Variants in SEC22A observed in about 807,000 individuals in gnomAD.
SEC22A encodes vesicle-trafficking protein SEC22a.
In SEC22A, 22 loss-of-function variants were observed where a neutral mutation model predicts 35.3. The ratio of observed to expected loss-of-function variants is 0.62; its 90% confidence interval spans 0.45 to 0.89. SEC22A has a LOEUF of 0.89. SEC22A is among the 40% of genes least tolerant of loss of function. SEC22A has a pLI of 0.00. For synonymous variants in SEC22A, 119 were observed against 129.5 expected (o/e 0.92, Z 0.55); for missense variants, 354 against 362.5 (o/e 0.98, Z 0.19).
chr3:123,262,968 C>T (rs1474359378), intron 6 of SEC22A, among the ~76,000 whole-genome samples: 1 of 152,176 alleles, frequency 6.6e-6, no homozygotes. Flanking sequence ...AAAACGGTAT[C>T]ACAACCAGAG....
intron 4 of SEC22A, among the ~76,000 whole-genome samples, chr3:123,238,564 G>T (rs1038474373): frequency 4.6e-5 from 7 of 151,790 alleles, no homozygotes; most frequent in Admixed American, 3.9e-4. Context: ...TATTTTCTAT[G>T]GTCCCCAAGT....
intron 2 of SEC22A, among the ~76,000 whole-genome samples, chr3:123,221,064 TA>T (rs1432554391): frequency 6.6e-6 from 1 of 151,870 alleles, no homozygotes; most frequent in South Asian, 2.1e-4. Context: ...TCATTCTTGT[TA>T]AATTTGAATC....
At chr3:123,238,025 G>A (rs531462007) in intron 4 of SEC22A, among the ~76,000 whole-genome samples, 6 of 151,938 alleles carry the variant, frequency 3.9e-5, no homozygotes, top group South Asian at 2.1e-4. Flanking sequence ...ATGGTGGCAC[G>A]TGACTGTAGT....
At chr3:123,239,113 C>A (rs1336860164) in intron 4 of SEC22A, among the ~76,000 whole-genome samples, 1 of 151,930 alleles carries the variant, frequency 6.6e-6, no homozygotes, top group Non-Finnish European at 1.5e-5. Flanking sequence ...TGTGTCCACC[C>A]CGTTTTAAAG....
intron 6 of SEC22A, among the ~76,000 whole-genome samples, chr3:123,263,947 G>T (rs914533578): frequency 5.3e-5 from 8 of 151,080 alleles, no homozygotes; most frequent in Admixed American, 2.0e-4. Flanking sequence ...TAAAGACAAG[G>T]TATTGCTCTG....
At chr3:123,212,308 G>C (rs948682908) in intron 2 of SEC22A, among the ~76,000 whole-genome samples, 19 of 151,966 alleles carry the variant, frequency 1.3e-4, no homozygotes, top group African/African-American at 4.3e-4. Flanking sequence ...TTGTGATTAT[G>C]GTGATTAAAA....
intron 5 of SEC22A, among the ~76,000 whole-genome samples, chr3:123,249,447 A>T (rs1046006968): frequency 3.3e-5 from 5 of 152,156 alleles, no homozygotes; most frequent in Non-Finnish European, 5.9e-5. Flanking sequence ...ATTAGAATAA[A>T]AGATGCTCTT....
chr3:123,256,932 T>C (rs1937746293), intron 5 of SEC22A, among the ~76,000 whole-genome samples: 2 of 151,916 alleles, frequency 1.3e-5, no homozygotes. Context: ...GCTAATTTTT[T>C]GTATTTTTAG....
At chr3:123,219,487 C>T (rs1382616180) in intron 2 of SEC22A, among the ~76,000 whole-genome samples, 2 of 152,134 alleles carry the variant, frequency 1.3e-5, no homozygotes, top group Non-Finnish European at 2.9e-5. Context: ...TAACTTCATC[C>T]TATCTTTGCT....
chr3:123,266,408 T>C (rs889216007), intron 6 of SEC22A, among the ~76,000 whole-genome samples: 1 of 152,170 alleles, frequency 6.6e-6, no homozygotes, highest in Non-Finnish European at 1.5e-5. Context: ...TTTTTTATAA[T>C]GTATGCACTA....
At chr3:123,253,648 G>C (rs1286919525) in intron 5 of SEC22A, among the ~76,000 whole-genome samples, 1 of 148,276 alleles carries the variant, frequency 6.7e-6, no homozygotes, top group Non-Finnish European at 1.5e-5. Flanking sequence ...GGAGGCGGAG[G>C]TTGTAGTGAG....
At chr3:123,227,746 T>TC (rs1937240441) in intron 4 of SEC22A, among the ~76,000 whole-genome samples, 1 of 152,000 alleles carries the variant, frequency 6.6e-6, no homozygotes, top group Non-Finnish European at 1.5e-5. Context: ...GGTCAGGAGT[T>TC]CAAGACCAGC....
intron 5 of SEC22A, among the ~76,000 whole-genome samples, chr3:123,256,183 G>T (rs1937726800): frequency 6.6e-6 from 1 of 152,078 alleles, no homozygotes; most frequent in African/African-American, 2.4e-5. Context: ...ATCAAGAATT[G>T]AGATTTTTAC....
intron 5 of SEC22A, among the ~76,000 whole-genome samples, chr3:123,249,078 C>T (rs191472607): frequency 2.3e-4 from 35 of 152,092 alleles, no homozygotes; most frequent in African/African-American, 8.0e-4. Flanking sequence ...ACAGAACTCA[C>T]GGAAATATGT....
chr3:123,242,220 T>A (rs1221610851), intron 4 of SEC22A, among the ~76,000 whole-genome samples: 2 of 148,904 alleles, frequency 1.3e-5, no homozygotes, highest in African/African-American at 4.9e-5. Context: ...TCCCTTCAGT[T>A]GCAGACCTCG....
chr3:123,228,929 A>G (rs1421589564), intron 4 of SEC22A, among the ~76,000 whole-genome samples: 1 of 152,224 alleles, frequency 6.6e-6, no homozygotes, highest in Non-Finnish European at 1.5e-5. Context: ...CAATTTGAAG[A>G]TAGATTGATA....
At chr3:123,232,697 G>A (rs1389156350) in intron 4 of SEC22A, among the ~76,000 whole-genome samples, 6 of 151,826 alleles carry the variant, frequency 4.0e-5, no homozygotes, top group Admixed American at 2.6e-4. Flanking sequence ...AAATACTTCC[G>A]TATTCTGTGA....
chr3:123,269,741 T>G (rs941418693), intron 6 of SEC22A, among the ~76,000 whole-genome samples: 23 of 149,716 alleles, frequency 1.5e-4, no homozygotes, highest in African/African-American at 4.9e-4. Flanking sequence ...CATGCCATTC[T>G]CCTGCCTCAG....
chr3:123,237,975 G>A (rs140766694), intron 4 of SEC22A, among the ~76,000 whole-genome samples: 1,913 of 152,084 alleles, frequency 0.013, 40 homozygotes, highest in African/African-American at 0.045. Flanking sequence ...AACAAAGTGA[G>A]ACCCTGTCTC....
Sources: gnomAD v4.1 joint callset for allele counts (sites outside exome capture counted in the v4.1 genomes callset) on GRCh38, gnomAD v4.1.1 for gene constraint, MANE v1.5 for transcripts, NCBI Gene and HGNC (gene_info 2026-07-23, HGNC 2026-07-21) for gene names.